PRDM16: variants seen among roughly 807,000 people sequenced by gnomAD.
PRDM16 encodes the protein PR/SET domain 16, also known as histone-lysine N-methyltransferase PRDM16.
Under a neutral mutation model 110.6 loss-of-function variants are expected in PRDM16, and 23 were observed. The observed-to-expected ratio is 0.21, with a 90% CI of 0.15 to 0.29. The LOEUF is 0.29. PRDM16 is among the 10% of genes least tolerant of loss of function. The pLI is 1.00. For synonymous variants in PRDM16, 799 were observed against 781.8 expected, an observed-to-expected ratio of 1.02 and a Z score of -0.37; for missense variants, 1,615 against 1,794.3, an observed-to-expected ratio of 0.90 and a Z score of 1.81.
chr1:3,178,144 C>T (rs12737500), intron 1 of PRDM16, among the ~76,000 whole-genome samples: 7,989 of 152,230 alleles, frequency 0.052, 232 homozygotes, highest in Admixed American at 0.072. Flanking sequence ...ATATTAGGGA[C>T]GATGAGGAGC....
intron 2 of PRDM16, among the ~76,000 whole-genome samples, chr1:3,223,291 C>T (rs796227218): frequency 1.8e-4 from 27 of 152,044 alleles, no homozygotes; most frequent in African/African-American, 6.3e-4. Flanking sequence ...GTGTTGATTA[C>T]GGAGTTGCTA....
At chr1:3,292,413 C>G in intron 3 of PRDM16, among the ~76,000 whole-genome samples, 1 of 152,186 alleles carries the variant, frequency 6.6e-6, no homozygotes, top group East Asian at 1.9e-4. Context: ...GTGTCTCCAG[C>G]GAGAGAGAAG....
chr1:3,129,970 G>T (rs1450963769), intron 1 of PRDM16, among the ~76,000 whole-genome samples: 1 of 152,188 alleles, frequency 6.6e-6, no homozygotes, highest in Non-Finnish European at 1.5e-5. Flanking sequence ...ATCCAAAAGC[G>T]TTGATGGGCC....
chr1:3,166,165 T>C (rs929575422), intron 1 of PRDM16, among the ~76,000 whole-genome samples: 1 of 152,264 alleles, frequency 6.6e-6, no homozygotes, highest in Non-Finnish European at 1.5e-5. Flanking sequence ...CAGGAAATCA[T>C]GGATTTCCAA....
At chr1:3,362,039 G>A (rs1047691121) in intron 3 of PRDM16, among the ~76,000 whole-genome samples, 4 of 151,982 alleles carry the variant, frequency 2.6e-5, no homozygotes, top group East Asian at 1.9e-4. Flanking sequence ...ACTGTGGCCC[G>A]GGAGGGGTGT....
rs1462713726 is a variant in PRDM16 at position 3,370,356 on chromosome 1, T to C, written c.439-14796T>C. Among the ~76,000 whole-genome samples, 1 of 152,010 alleles carries C rather than the reference T, an allele frequency of 6.6e-6. No individual in the cohort carries two copies. Among genetic ancestry groups the C allele is most frequent in the African/African-American group, 2.4e-5 (1 of 41,380 alleles). Reference sequence around the variant, plus strand: ...GCCCGTGAATAAGAAGGGAAAGGATTTGAAATGGAGGGATGAAGACAGACC... The same window carrying C: ...GCCCGTGAATAAGAAGGGAAAGGATCTGAAATGGAGGGATGAAGACAGACC... On this transcript the variant is annotated intron_variant, in intron 3 of 16. Transcript: ENST00000270722. The surrounding 1 kb of genome is among the most constrained non-coding windows in gnomAD (Gnocchi z 4.8).
chr1:3,084,884 G>A (rs1642115062), intron 1 of PRDM16, among the ~76,000 whole-genome samples: 1 of 152,208 alleles, frequency 6.6e-6, no homozygotes, highest in Non-Finnish European at 1.5e-5. Context: ...GCACACCTGG[G>A]GCTGGAGTTG....
chr1:3,354,443 G>A (rs1266959985), intron 3 of PRDM16, among the ~76,000 whole-genome samples: 2 of 147,002 alleles, frequency 1.4e-5, no homozygotes, highest in African/African-American at 2.6e-5. Flanking sequence ...CTGGGTGACA[G>A]GGCGAGACTC....
intron 1 of PRDM16, among the ~76,000 whole-genome samples, chr1:3,177,636 G>A (rs886564679): frequency 2.0e-5 from 3 of 152,224 alleles, no homozygotes; most frequent in Non-Finnish European, 2.9e-5. Flanking sequence ...GCGAGCCAAC[G>A]TCAGTGCTCT....
At chr1:3,091,140 T>G (rs1642266632) in intron 1 of PRDM16, among the ~76,000 whole-genome samples, 1 of 152,326 alleles carries the variant, frequency 6.6e-6, no homozygotes, top group Admixed American at 6.5e-5. Flanking sequence ...GAATGACCGC[T>G]AACAGGGAGA....
intron 2 of PRDM16, 125 bp downstream of exon 2, chr1:3,186,599 T>A: frequency 1.6e-6 from 1 of 624,964 alleles, no homozygotes; most frequent in Non-Finnish European, 2.7e-6. Context: ...CGTTCAAATG[T>A]CACATTTCCC....
chr1:3,144,149 G>A (rs932224050), intron 1 of PRDM16, among the ~76,000 whole-genome samples: 3 of 152,172 alleles, frequency 2.0e-5, no homozygotes, highest in South Asian at 2.1e-4. Flanking sequence ...CTATGGGAGG[G>A]ACAACTCGTG....
chr1:3,100,661 C>T (rs943023195), intron 1 of PRDM16, among the ~76,000 whole-genome samples: 5 of 152,288 alleles, frequency 3.3e-5, no homozygotes, highest in African/African-American at 9.6e-5. Flanking sequence ...CCATGTAACC[C>T]GTTTGCCCAG....
intron 1 of PRDM16, among the ~76,000 whole-genome samples, chr1:3,076,657 G>A (rs571546014): frequency 6.6e-6 from 1 of 152,368 alleles, no homozygotes; most frequent in South Asian, 2.1e-4. Context: ...GGCTCAGGAG[G>A]CTTAGCTGGA....
At position 3,435,421 on chromosome 1, in the gene PRDM16, A is replaced by G. The variant is rs1025493028; in HGVS notation, c.*1610A>G. 5 of 230,808 alleles carry G rather than the reference A, an allele frequency of 2.2e-5. No homozygotes were observed. The highest frequency in any genetic ancestry group is 1.1e-4 in the African/African-American group (5 of 45,228). 14.3% of individuals were successfully genotyped at this position (230,808 alleles called of 1,614,324 possible). On this transcript the variant is annotated 3_prime_UTR_variant, in exon 17 of 17. Transcript: ENST00000270722. Reference sequence around the variant, plus strand: ...TGTGCCAAATACCCCCGTCCCCCCCATGAATCCTGCTGTCCCTGCTGCCGT... The same window carrying G: ...TGTGCCAAATACCCCCGTCCCCCCCGTGAATCCTGCTGTCCCTGCTGCCGT...
chr1:3,223,103 C>CTTTTT (rs1172383270), intron 2 of PRDM16, among the ~76,000 whole-genome samples: 1,085 of 74,018 alleles, frequency 0.015, 163 homozygotes, highest in African/African-American at 0.067. Context: ...AAAATCAAGG[C>CTTTTT]TTTTTTTTTT....
At chr1:3,416,567 C>T (rs1183557074) in intron 10 of PRDM16, among the ~76,000 whole-genome samples, 1 of 152,214 alleles carries the variant, frequency 6.6e-6, no homozygotes, top group African/African-American at 2.4e-5. Context: ...CCAGTTCCTC[C>T]CAGTGACACC....
At chr1:3,216,140 C>T (rs186527800) in intron 2 of PRDM16, among the ~76,000 whole-genome samples, 4 of 152,288 alleles carry the variant, frequency 2.6e-5, no homozygotes, top group African/African-American at 9.6e-5. Flanking sequence ...TTCGGGCTGG[C>T]CGTGGCCCCC....
intron 1 of PRDM16, among the ~76,000 whole-genome samples, chr1:3,136,538 C>G (rs1643443350): frequency 6.6e-6 from 1 of 152,158 alleles, no homozygotes; most frequent in Admixed American, 6.5e-5. Flanking sequence ...CAATGATCCC[C>G]CAAGTCCCTG....
Sources: allele counts gnomAD v4.1 joint callset (sites outside exome capture counted in the v4.1 genomes callset), GRCh38; gene constraint gnomAD v4.1.1; non-coding constraint Gnocchi (gnomAD v3.1); transcripts MANE v1.5; gene names NCBI Gene and HGNC (gene_info 2026-07-23, HGNC 2026-07-21).